VPS8: variants seen among roughly 807,000 people sequenced by gnomAD.
The protein encoded by VPS8 is VPS8 subunit of CORVET complex.
In VPS8, 129 loss-of-function variants were observed where a neutral mutation model predicts 216.4. The ratio of observed to expected loss-of-function variants is 0.60; its 90% CI spans 0.52 to 0.69. VPS8 has a LOEUF of 0.69. Among genes scored for constraint, VPS8 ranks in the 30% least tolerant of loss-of-function variants. The pLI is 0.00. For missense variants in VPS8, 1,531 were observed against 1,683.5 expected, an observed-to-expected ratio of 0.91 and a Z score of 1.59; for synonymous variants, 571 against 565.4, an observed-to-expected ratio of 1.01 and a Z score of -0.14.
intron 22 of VPS8, among the ~76,000 whole-genome samples, chr3:184,888,577 G>GA (rs1731743160): frequency 6.6e-6 from 1 of 152,116 alleles, no homozygotes; most frequent in African/African-American, 2.4e-5. Context: ...AATAGGTTAT[G>GA]AATCAGTTTT....
intron 45 of VPS8, among the ~76,000 whole-genome samples, chr3:185,002,534 T>G (rs1753555766): frequency 6.6e-6 from 1 of 152,210 alleles, no homozygotes; most frequent in African/African-American, 2.4e-5. Context: ...TCTGAGATTT[T>G]GGTGCACCCA....
At chr3:184,874,247 G>T (rs969683554) in intron 21 of VPS8, among the ~76,000 whole-genome samples, 5 of 152,014 alleles carry the variant, frequency 3.3e-5, no homozygotes, top group African/African-American at 9.7e-5. Context: ...TAACATAATT[G>T]ATTTCATTAA....
Position 184,859,980 on chromosome 3 carries a change from A to C in VPS8, c.1144-5A>C. On this transcript the variant is annotated splice_region_variant and splice_polypyrimidine_tract_variant and intron_variant, in intron 14 of 47. Coordinates refer to ENST00000625842, the MANE Select transcript of VPS8 (RefSeq NM_001009921.3). ...GTTTTTAGGTTGTTTTTATTTCATC[A>C]TCAGGTAAAGAGAGATGAATCTGGA... 1 of 1,610,098 alleles carries C rather than the reference A, an allele frequency of 6.2e-7. No individual in the cohort carries two copies. The highest frequency in any genetic ancestry group is 1.3e-5 in the African/African-American group (1 of 74,930).
intron 10 of VPS8, 48 bp from the exon 11 acceptor site, chr3:184,852,452 C>T (rs773367236): frequency 6.4e-7 from 1 of 1,564,704 alleles, no homozygotes. Context: ...CTCCTTAATA[C>T]TTGACTGTTT....
At chr3:184,820,502 A>G (rs1717343088) in intron 1 of VPS8, among the ~76,000 whole-genome samples, 1 of 152,228 alleles carries the variant, frequency 6.6e-6, no homozygotes, top group Non-Finnish European at 1.5e-5. Flanking sequence ...CTTTTGCCAT[A>G]TCAAGTAACA....
chr3:184,920,262 A>G, intron 29 of VPS8, 64 bp downstream of exon 29: 1 of 1,073,786 alleles, frequency 9.3e-7, no homozygotes, highest in Non-Finnish European at 1.3e-6. Context: ...GAGCTGTTTT[A>G]TAGCAGGTTA....
chr3:184,913,498 A>G (rs1736942340), intron 25 of VPS8, 21 bp from the exon 26 acceptor site: 2 of 1,569,920 alleles, frequency 1.3e-6, no homozygotes, highest in East Asian at 4.6e-5. Flanking sequence ...ATTGCTGAAG[A>G]TACTTCTCTT....
chr3:185,052,392 A>G lies in VPS8; in HGVS notation c.*367A>G, dbSNP rs1014910142. On this transcript the variant is annotated 3_prime_UTR_variant, in exon 48 of 48. Transcript: ENST00000625842. Reference sequence around the variant, plus strand: ...CACAAATGGCATTCCAGAGTCTGCCATACTCCGTCTCCTCCAGCTGCTGGA... The same window carrying G: ...CACAAATGGCATTCCAGAGTCTGCCGTACTCCGTCTCCTCCAGCTGCTGGA... 8 of 186,094 alleles carry G rather than the reference A, an allele frequency of 4.3e-5. No homozygotes were observed. Among genetic ancestry groups the G allele is most frequent in the African/African-American group, 1.7e-4 (7 of 42,014 alleles). 11.5% of individuals were successfully genotyped at this position (186,094 alleles called of 1,614,324 possible).
At chr3:184,848,879 G>T (rs947059406) in intron 8 of VPS8, 192 bp from the exon 9 acceptor site, 5 of 503,964 alleles carry the variant, frequency 9.9e-6, no homozygotes, top group African/African-American at 2.0e-5. Context: ...TTTTTTTTCT[G>T]TATTTTTAAG....
In VPS8 at chr3:184,860,002, T is replaced by C. The variant is rs1235078179; in HGVS notation, c.1161T>C (p.Ser387=). 1 of 1,613,366 alleles carries C rather than the reference T, an allele frequency of 6.2e-7. No homozygotes were observed. Among genetic ancestry groups the C allele is most frequent in the South Asian group, 1.1e-5 (1 of 90,992 alleles). The change falls in exon 15 of 48, where the codon TCT becomes TCC. Residue 387 remains serine, a synonymous_variant. Transcript: ENST00000625842. ...ATCATCAGGTAAAGAGAGATGAATC[T>C]GGAGCAATACATGTTACTAAGCAAA... ...VHFLLVKRDE[S]GAIHVTKQKH...
intron 45 of VPS8, among the ~76,000 whole-genome samples, chr3:185,008,571 A>G (rs1183309192): frequency 1.3e-5 from 2 of 152,218 alleles, no homozygotes; most frequent in East Asian, 3.8e-4. Flanking sequence ...AGGGAAACGT[A>G]CGTTAGGTGG....
intron 29 of VPS8, 32 bp downstream of exon 29, chr3:184,920,230 T>C (rs2109129202): frequency 7.4e-7 from 1 of 1,349,958 alleles, no homozygotes. Context: ...GTCTTTATAT[T>C]GATATTTATA....
intron 29 of VPS8, among the ~76,000 whole-genome samples, chr3:184,921,313 AT>A (rs1467417089): frequency 1.3e-5 from 2 of 152,202 alleles, no homozygotes; most frequent in African/African-American, 2.4e-5. Context: ...CTGTCTTAGT[AT>A]TACACTTAGT....
intron 43 of VPS8, among the ~76,000 whole-genome samples, chr3:184,995,497 A>G (rs555688897): frequency 1.4e-3 from 209 of 152,332 alleles, no homozygotes; most frequent in African/African-American, 3.4e-3. Flanking sequence ...TACTGATTGG[A>G]AAGAAGTAGA....
chr3:184,943,714 C>T (rs1189791220), intron 36 of VPS8, among the ~76,000 whole-genome samples: 1 of 152,206 alleles, frequency 6.6e-6, no homozygotes, highest in East Asian at 1.9e-4. Flanking sequence ...GTGTATGTAT[C>T]ATCTCAGTGT....
chr3:184,828,037 C>G (rs1292044711), intron 3 of VPS8, among the ~76,000 whole-genome samples: 1 of 152,056 alleles, frequency 6.6e-6, no homozygotes, highest in African/African-American at 2.4e-5. Flanking sequence ...ATAAATAAGA[C>G]CTTTTCTCAG....
At chr3:184,870,580 G>A (rs1577994360) in intron 20 of VPS8, 136 bp from the exon 21 acceptor site, 16 of 673,262 alleles carry the variant, frequency 2.4e-5, no homozygotes, top group Non-Finnish European at 4.0e-5. Flanking sequence ...TAAAAAGTTG[G>A]TAAATAAAGC....
At chr3:185,051,016 A>T (rs137988137) in intron 47 of VPS8, among the ~76,000 whole-genome samples, 193 of 152,246 alleles carry the variant, frequency 1.3e-3, no homozygotes, top group African/African-American at 4.4e-3. Flanking sequence ...CAAAGACCCT[A>T]ATCAGGCAGG....
chr3:184,825,501 T>C (rs1718565417), intron 2 of VPS8, among the ~76,000 whole-genome samples: 2 of 152,256 alleles, frequency 1.3e-5, no homozygotes, highest in Non-Finnish European at 2.9e-5. Context: ...GTCAGACTTT[T>C]GCTTATTGCT....
Sources: allele counts gnomAD v4.1 joint callset (sites outside exome capture counted in the v4.1 genomes callset), GRCh38; gene constraint gnomAD v4.1.1; transcripts MANE v1.5; gene names NCBI Gene and HGNC (gene_info 2026-07-23, HGNC 2026-07-21).